The following R3HDM2 variants were observed in gnomAD, a reference collection of about 807,000 sequenced individuals.
R3HDM2 encodes the protein R3H domain-containing protein 2.
In R3HDM2, 38 loss-of-function variants were observed where a neutral mutation model predicts 124.5. That is an observed-to-expected ratio of 0.31 (90% confidence interval 0.24 to 0.40). The LOEUF (loss-of-function observed/expected upper bound fraction) is 0.40, where lower values mean the gene tolerates loss of function less well. Among genes scored for constraint, R3HDM2 ranks in the 10% least tolerant of loss-of-function variants. The pLI, the probability that R3HDM2 is intolerant of heterozygous loss-of-function variation, is 1.00. For missense variants in R3HDM2, 869 were observed against 1,236.9 expected (o/e 0.70, Z 4.46); for synonymous variants, 391 against 448.0 (o/e 0.87, Z 1.61).
chr12:57,346,622 G>A (rs2060119620), intron 2 of R3HDM2, among the ~76,000 whole-genome samples: 1 of 152,152 alleles, frequency 6.6e-6, no homozygotes, highest in South Asian at 2.1e-4. Flanking sequence ...GGAAAACTAA[G>A]AGAATTCACA....
At chr12:57,425,467 AG>A (rs1308843056) in intron 1 of R3HDM2, among the ~76,000 whole-genome samples, 7 of 152,110 alleles carry the variant, frequency 4.6e-5, no homozygotes, top group African/African-American at 1.4e-4. Flanking sequence ...TTTAAGCAAA[AG>A]CCTTAGCTTT....
chr12:57,335,018 T>A (rs1364368805), intron 2 of R3HDM2, among the ~76,000 whole-genome samples: 1 of 150,680 alleles, frequency 6.6e-6, no homozygotes, highest in Admixed American at 6.6e-5. Flanking sequence ...GGTACCTCTG[T>A]GTAGTCCCAG....
intron 2 of R3HDM2, among the ~76,000 whole-genome samples, chr12:57,328,012 G>A (rs976776865): frequency 6.6e-6 from 1 of 151,982 alleles, no homozygotes; most frequent in Admixed American, 6.6e-5. Flanking sequence ...AAACTGTACC[G>A]TATGCTCTAG....
At chr12:57,430,628 G>A in intron 1 of R3HDM2, 92 bp downstream of exon 1, 1 of 981,934 alleles carries the variant, frequency 1.0e-6, no homozygotes, top group East Asian at 1.1e-4. Context: ...CCCAGGCCGC[G>A]GGGCCTCCTC....
At chr12:57,414,076 T>C (rs1346104979) in intron 1 of R3HDM2, among the ~76,000 whole-genome samples, 1 of 151,272 alleles carries the variant, frequency 6.6e-6, no homozygotes, top group Non-Finnish European at 1.5e-5. Flanking sequence ...CTTGAACTCC[T>C]GACCTCAAAT....
intron 2 of R3HDM2, among the ~76,000 whole-genome samples, chr12:57,390,276 G>A (rs1232776714): frequency 6.6e-6 from 1 of 152,092 alleles, no homozygotes; most frequent in Admixed American, 6.6e-5. Flanking sequence ...TTGGGAGATG[G>A]GAAACAAGTG....
intron 2 of R3HDM2, among the ~76,000 whole-genome samples, chr12:57,333,825 G>A (rs1241966520): frequency 1.3e-5 from 2 of 151,314 alleles, no homozygotes; most frequent in Non-Finnish European, 2.9e-5. Context: ...GGTGGATGAC[G>A]AGGTTAGGAG....
intron 3 of R3HDM2, among the ~76,000 whole-genome samples, chr12:57,308,629 T>C (rs527607439): frequency 5.3e-5 from 8 of 152,102 alleles, no homozygotes; most frequent in African/African-American, 1.9e-4. Flanking sequence ...GAGGTTGCAG[T>C]GGGCCAAGAT....
chr12:57,355,457 A>C (rs1409375714), intron 2 of R3HDM2, among the ~76,000 whole-genome samples: 2 of 139,422 alleles, frequency 1.4e-5, no homozygotes, highest in Non-Finnish European at 3.1e-5. Flanking sequence ...AGACTGTCTC[A>C]AAAAAAAAAA....
At position 57,317,743 on chromosome 12, in the gene R3HDM2, G is replaced by A. The variant is rs757064679; in HGVS notation, c.-35-7280C>T. On this transcript the variant is annotated intron_variant, in intron 2 of 23. Transcript: ENST00000402412. ...CGGGTGGCTCGCGCCTGTAAAGGCC[G>A]AGACAGGCGAATCATGAGGTCAGGA... Among the ~76,000 whole-genome samples the A allele has an allele frequency of 7.3e-5, 11 of 150,594 alleles. No homozygotes were observed. The South Asian group carries it at 1.5e-3, about 20-fold the overall frequency.
At chr12:57,297,199 A>G in intron 8 of R3HDM2, 129 bp downstream of exon 8, 1 of 584,592 alleles carries the variant, frequency 1.7e-6, no homozygotes, top group East Asian at 3.0e-5. Flanking sequence ...AAATCTACAT[A>G]ATAACTTAAA....
At chr12:57,410,603 G>A (rs555134500) in intron 1 of R3HDM2, among the ~76,000 whole-genome samples, 3 of 152,242 alleles carry the variant, frequency 2.0e-5, no homozygotes, top group African/African-American at 7.2e-5. Flanking sequence ...CTATAATTCC[G>A]ACACTTTGAG....
chr12:57,333,626 A>G (rs1231001798), intron 2 of R3HDM2, among the ~76,000 whole-genome samples: 1 of 152,150 alleles, frequency 6.6e-6, no homozygotes, highest in East Asian at 1.9e-4. Context: ...TGGGAGGCAG[A>G]GGTTGCAGTG....
chr12:57,346,173 A>AGAAACCATGAGAACT, intron 2 of R3HDM2, among the ~76,000 whole-genome samples: 1 of 149,182 alleles, frequency 6.7e-6, no homozygotes, highest in East Asian at 2.0e-4. Context: ...AAAAAAAAAA[A>AGAAACCATGAGAACT]AGGCCTGGAG....
intron 2 of R3HDM2, among the ~76,000 whole-genome samples, chr12:57,368,453 A>T (rs886138963): frequency 6.6e-6 from 1 of 152,188 alleles, no homozygotes; most frequent in Admixed American, 6.6e-5. Flanking sequence ...TAGGGGACTT[A>T]AGCCATGACA....
At chr12:57,414,069 G>C (rs573707412) in intron 1 of R3HDM2, among the ~76,000 whole-genome samples, 2 of 150,838 alleles carry the variant, frequency 1.3e-5, no homozygotes, top group Admixed American at 6.6e-5. Context: ...GGCTGGTCTT[G>C]AACTCCTGAC....
At chr12:57,315,937 T>C (rs1304868592) in intron 2 of R3HDM2, among the ~76,000 whole-genome samples, 3 of 152,148 alleles carry the variant, frequency 2.0e-5, no homozygotes, top group African/African-American at 7.2e-5. Flanking sequence ...CTGGGCAACA[T>C]GGCAAACCCC....
At chr12:57,332,812 T>C (rs2058375369) in intron 2 of R3HDM2, among the ~76,000 whole-genome samples, 1 of 152,224 alleles carries the variant, frequency 6.6e-6, no homozygotes, top group South Asian at 2.1e-4. Context: ...GAATCTAAAA[T>C]TGGTTTTTCC....
At chr12:57,427,483 G>A (rs575138655) in intron 1 of R3HDM2, among the ~76,000 whole-genome samples, 5 of 150,376 alleles carry the variant, frequency 3.3e-5, no homozygotes, top group Admixed American at 6.6e-5. Context: ...CCAAGTAGCT[G>A]GGACTACAGG....
Sources: gnomAD v4.1 joint callset for allele counts (sites outside exome capture counted in the v4.1 genomes callset) on GRCh38, gnomAD v4.1.1 for gene constraint, MANE v1.5 for transcripts, NCBI Gene and HGNC (gene_info 2026-07-23, HGNC 2026-07-21) for gene names.